Variants in NLGN1 observed in about 807,000 individuals in gnomAD.
The protein encoded by NLGN1 is neuroligin-1.
A neutral mutation model predicts 65.5 loss-of-function variants in NLGN1; 12 were observed. That is an observed-to-expected ratio of 0.18 (90% CI 0.12 to 0.30). The LOEUF (loss-of-function observed/expected upper bound fraction) is 0.30, where lower values mean the gene tolerates loss of function less well. NLGN1 is among the 10% of genes least tolerant of loss of function. The probability of loss-of-function intolerance (pLI) is 1.00; values close to 1 mark genes in which losing one functional copy is unlikely to be tolerated. For missense variants in NLGN1, 750 were observed against 1,007.1 expected (o/e 0.74, Z 3.46); for synonymous variants, 350 against 359.5 (o/e 0.97, Z 0.30).
intron 4 of NLGN1, among the ~76,000 whole-genome samples, chr3:174,205,363 T>C (rs1735208243): frequency 6.6e-6 from 1 of 151,948 alleles, no homozygotes; most frequent in African/African-American, 2.4e-5. Flanking sequence ...CATTACTCAC[T>C]CTTACTTCAG....
chr3:173,594,361 G>A (rs1749081151), intron 2 of NLGN1, among the ~76,000 whole-genome samples: 1 of 152,224 alleles, frequency 6.6e-6, no homozygotes, highest in Admixed American at 6.5e-5. Flanking sequence ...CCAAAATCCA[G>A]CAGTGCAGTC....
chr3:173,798,055 G>A (rs1278126719), intron 3 of NLGN1, among the ~76,000 whole-genome samples: 2 of 152,096 alleles, frequency 1.3e-5, no homozygotes, highest in Non-Finnish European at 2.9e-5. Flanking sequence ...TCAAGAGAGA[G>A]CTCTTATAGA....
chr3:173,678,086 G>T (rs1763415263), intron 3 of NLGN1, among the ~76,000 whole-genome samples: 1 of 152,092 alleles, frequency 6.6e-6, no homozygotes, highest in Non-Finnish European at 1.5e-5. Flanking sequence ...GCATTTATGG[G>T]ATCCACTTTT....
chr3:173,700,362 T>C (rs938628221), intron 3 of NLGN1, among the ~76,000 whole-genome samples: 1 of 152,240 alleles, frequency 6.6e-6, no homozygotes, highest in African/African-American at 2.4e-5. Flanking sequence ...GTTATCTGTG[T>C]GAACTTTGGT....
intron 4 of NLGN1, among the ~76,000 whole-genome samples, chr3:174,241,594 T>A (rs1187337102): frequency 6.6e-6 from 1 of 151,800 alleles, no homozygotes. Context: ...TATTACAATC[T>A]TTTGGGCACA....
At chr3:173,774,792 G>A (rs956466474) in intron 3 of NLGN1, among the ~76,000 whole-genome samples, 6 of 152,082 alleles carry the variant, frequency 3.9e-5, no homozygotes, top group Non-Finnish European at 8.8e-5. Flanking sequence ...TTTGGGGAGT[G>A]AGAGGATTTG....
intron 3 of NLGN1, among the ~76,000 whole-genome samples, chr3:173,759,705 T>C (rs1358265283): frequency 6.6e-6 from 1 of 151,976 alleles, no homozygotes; most frequent in Non-Finnish European, 1.5e-5. Flanking sequence ...ACTATTGCCA[T>C]TTTTATTTGT....
intron 4 of NLGN1, among the ~76,000 whole-genome samples, chr3:174,122,749 T>C (rs1459774471): frequency 1.3e-5 from 2 of 152,154 alleles, no homozygotes; most frequent in Admixed American, 1.3e-4. Flanking sequence ...AATCATTTCC[T>C]ACCCTTGCTT....
chr3:173,775,788 C>T (rs1780218782), intron 3 of NLGN1, among the ~76,000 whole-genome samples: 1 of 152,068 alleles, frequency 6.6e-6, no homozygotes, highest in East Asian at 1.9e-4. Flanking sequence ...ACTAGAGTGA[C>T]ACTTTGTTAA....
chr3:174,152,811 C>A (rs1171952873), intron 4 of NLGN1, among the ~76,000 whole-genome samples: 1 of 151,988 alleles, frequency 6.6e-6, no homozygotes, highest in Non-Finnish European at 1.5e-5. Context: ...CTAAGAAAAC[C>A]AGATACTTAA....
At chr3:173,800,019 TTA>T (rs200386394) in intron 3 of NLGN1, among the ~76,000 whole-genome samples, 1,518 of 91,562 alleles carry the variant, frequency 0.017, 9 homozygotes, top group South Asian at 0.018. Flanking sequence ...TTTTTTTTTT[TTA>T]AAAGTCTTTG....
chr3:173,562,353 G>C (rs1265286185), intron 2 of NLGN1, among the ~76,000 whole-genome samples: 2 of 152,150 alleles, frequency 1.3e-5, no homozygotes, highest in Non-Finnish European at 2.9e-5. Context: ...CGGATCATGA[G>C]ATCAGGAGAT....
chr3:173,868,238 A>G (rs1730554127), intron 4 of NLGN1, among the ~76,000 whole-genome samples: 2 of 152,146 alleles, frequency 1.3e-5, no homozygotes, highest in African/African-American at 4.8e-5. Flanking sequence ...CATGAGAGAA[A>G]GTGAATATGA....
intron 3 of NLGN1, among the ~76,000 whole-genome samples, chr3:173,622,686 T>A (rs971590242): frequency 1.3e-5 from 2 of 152,034 alleles, no homozygotes; most frequent in Admixed American, 6.6e-5. Flanking sequence ...ATCGGAGAAG[T>A]GGTTTTATTT....
chr3:173,512,735 C>G lies in NLGN1; in HGVS notation c.-321+77657C>G, dbSNP rs13314681. Among the ~76,000 whole-genome samples, 4 of 152,194 alleles carry G rather than the reference C, an allele frequency of 2.6e-5. No homozygotes were observed. In the South Asian group the frequency reaches 6.2e-4, roughly 24 times the overall value. On this transcript the variant is annotated intron_variant, in intron 2 of 6. Transcript: ENST00000457714. Reference sequence around the variant, plus strand: ...AGGTGGGGATTTGCCAGGGACCAACCCCTGTCTGCCTAGAGTTTCTCTGCA... The same window carrying G: ...AGGTGGGGATTTGCCAGGGACCAACGCCTGTCTGCCTAGAGTTTCTCTGCA...
chr3:174,042,312 C>G (rs1236713353), intron 4 of NLGN1, among the ~76,000 whole-genome samples: 1 of 152,030 alleles, frequency 6.6e-6, no homozygotes, highest in African/African-American at 2.4e-5. Flanking sequence ...ATACAGGTAT[C>G]CCCCTGCATT....
intron 4 of NLGN1, among the ~76,000 whole-genome samples, chr3:174,009,358 A>G (rs1169312132): frequency 6.6e-6 from 1 of 152,224 alleles, no homozygotes; most frequent in African/African-American, 2.4e-5. Context: ...CATTCAGGTC[A>G]TAGGAAGTAT....
chr3:173,683,650 T>C (rs987870524), intron 3 of NLGN1, among the ~76,000 whole-genome samples: 6 of 152,218 alleles, frequency 3.9e-5, no homozygotes, highest in African/African-American at 1.4e-4. Context: ...AAATTATTTA[T>C]TCTTACTTTA....
At chr3:173,833,121 T>C (rs1722923304) in intron 4 of NLGN1, among the ~76,000 whole-genome samples, 2 of 152,358 alleles carry the variant, frequency 1.3e-5, no homozygotes, top group South Asian at 4.1e-4. Context: ...AGAAGTGGGA[T>C]TACTGGATTA....
Sources: gnomAD v4.1 joint callset for allele counts (sites outside exome capture counted in the v4.1 genomes callset) on GRCh38, gnomAD v4.1.1 for gene constraint, MANE v1.5 for transcripts, NCBI Gene and HGNC (gene_info 2026-07-23, HGNC 2026-07-21) for gene names.